The following MGAM2 variants were observed in gnomAD, a reference collection of about 807,000 sequenced individuals.
The protein encoded by MGAM2 is probable maltase-glucoamylase 2.
Under a neutral mutation model 96.1 loss-of-function variants are expected in MGAM2, and 98 were observed. The ratio of observed to expected loss-of-function variants is 1.02; its 90% confidence interval spans 0.87 to 1.21. The LOEUF (loss-of-function observed/expected upper bound fraction) is 1.21. MGAM2 is among the 50% of genes most tolerant of loss of function. The probability of loss-of-function intolerance (pLI) is 0.00; values close to 1 mark genes in which losing one functional copy is unlikely to be tolerated. For synonymous variants in MGAM2, 749 were observed against 414.8 expected (o/e 1.81, Z -9.79); for missense variants, 2,055 against 1,182.4 (o/e 1.74, Z -10.82).
intron 26 of MGAM2, among the ~76,000 whole-genome samples, chr7:142,169,390 C>G (rs1796125764): frequency 6.6e-6 from 1 of 151,976 alleles, no homozygotes; most frequent in Non-Finnish European, 1.5e-5. Flanking sequence ...CCACTGCACT[C>G]CGAGCTGGCG....
intron 36 of MGAM2, among the ~76,000 whole-genome samples, chr7:142,188,975 C>T (rs1037331018): frequency 4.6e-5 from 7 of 152,114 alleles, no homozygotes; most frequent in African/African-American, 1.4e-4. Flanking sequence ...CAAGCAAATG[C>T]TGTCAAATCA....
At position 142,159,227 on chromosome 7, in the gene MGAM2, G is replaced by A. The variant is rs1331814522; in HGVS notation, c.2164-60G>A. The A allele has an allele frequency of 1.3e-5, 9 of 695,850 alleles. No homozygotes were observed. In the Middle Eastern group the frequency reaches 7.2e-4, roughly 56 times the overall value. The allele number at this position is 695,850 out of a possible 1,614,324, so 43.1% of individuals were successfully genotyped here. ...TAGGCACATGTAATGATGCCTGGAGGTGTTTTGTAAACTGTAGAGAGGGGT... is the reference window on the plus strand; with the variant it reads ...TAGGCACATGTAATGATGCCTGGAGATGTTTTGTAAACTGTAGAGAGGGGT... On this transcript the variant is annotated intron_variant, in intron 19 of 47. Coordinates refer to ENST00000477922, the MANE Select transcript of MGAM2 (RefSeq NM_001293626.2).
chr7:142,151,851 G>A (rs1437690722), intron 15 of MGAM2, among the ~76,000 whole-genome samples: 1 of 152,214 alleles, frequency 6.6e-6, no homozygotes, highest in Admixed American at 6.5e-5. Context: ...GGAGATAAGT[G>A]GAACTTGGTC....
At chr7:142,163,547 TG>T (rs1313737108) in intron 23 of MGAM2, among the ~76,000 whole-genome samples, 6 of 152,370 alleles carry the variant, frequency 3.9e-5, no homozygotes, top group African/African-American at 1.4e-4. Flanking sequence ...CCCAAAGTGC[TG>T]GGGTTACAGG....
chr7:142,202,573 G>A (rs1193910299), intron 45 of MGAM2, among the ~76,000 whole-genome samples: 1 of 152,082 alleles, frequency 6.6e-6, no homozygotes, highest in Non-Finnish European at 1.5e-5. Context: ...GCATTATTTG[G>A]TTTTCTTTTT....
intron 6 of MGAM2, among the ~76,000 whole-genome samples, chr7:142,132,683 T>C (rs1351914144): frequency 7.9e-6 from 1 of 126,794 alleles, no homozygotes; most frequent in Non-Finnish European, 1.5e-5. Flanking sequence ...TTAATTATAA[T>C]ATAATTAATA....
At chr7:142,161,674 G>C (rs1045396730) in intron 22 of MGAM2, among the ~76,000 whole-genome samples, 4 of 152,182 alleles carry the variant, frequency 2.6e-5, no homozygotes, top group Admixed American at 2.0e-4. Flanking sequence ...TGTAGGCCTT[G>C]AGGAACTCAT....
At chr7:142,123,231 G>C (rs568503966) in intron 3 of MGAM2, among the ~76,000 whole-genome samples, 45 of 150,840 alleles carry the variant, frequency 3.0e-4, no homozygotes, top group African/African-American at 8.3e-4. Flanking sequence ...TTCATCTAGA[G>C]ATTTTTTTTT....
chr7:142,220,488 A>G lies in MGAM2; in HGVS notation c.5977A>G (p.Thr1993Ala), dbSNP rs961370002. 5.7e-6 allele frequency: 4 copies of G among 702,426 alleles called. No individual in the cohort carries two copies. In the African/African-American group the frequency reaches 7.0e-5, roughly 12 times the overall value. The allele number at this position is 702,426 out of a possible 1,614,324, so 43.5% of individuals were successfully genotyped here. The change falls in exon 48 of 48, where the codon ACT becomes GCT. Residue 1993 changes from threonine (T) to alanine (A), a missense_variant. Thr to Ala is a moderately conservative substitution (Grantham distance 58, BLOSUM62 0). Transcript: ENST00000477922. ...TGCAACAAGTACTATTAGTGTTACA[A>G]CTAGTACTACTGTTCCTGATACAAC... is the stretch of plus-strand genomic sequence containing the variant. ...PFATSTISVT[T>A]STTVPDTTAP...
intron 30 of MGAM2, among the ~76,000 whole-genome samples, 176 bp from the exon 31 acceptor site, chr7:142,173,053 G>A (rs1366398861): frequency 7.9e-5 from 12 of 152,194 alleles, no homozygotes; most frequent in East Asian, 3.9e-4. Context: ...CTTCAATTAC[G>A]TTTCTATCAT....
chr7:142,194,437 G>A (rs1449519435), intron 37 of MGAM2, among the ~76,000 whole-genome samples: 1 of 151,860 alleles, frequency 6.6e-6, no homozygotes, highest in Admixed American at 6.6e-5. Flanking sequence ...TCAGTTCTTT[G>A]CATCAGTCAC....
chr7:142,135,666 G>C (rs1216305680), intron 7 of MGAM2, among the ~76,000 whole-genome samples: 1 of 150,656 alleles, frequency 6.6e-6, no homozygotes, highest in Non-Finnish European at 1.5e-5. Flanking sequence ...CAGGGAACTT[G>C]TAAAACGTTC....
intron 27 of MGAM2, 46 bp from the exon 28 acceptor site, chr7:142,171,226 C>T: frequency 1.4e-6 from 1 of 701,418 alleles, no homozygotes; most frequent in South Asian, 1.5e-5. Context: ...CCAAGTAGCT[C>T]TGGCCAGTGG....
chr7:142,171,366 A>G lies in MGAM2; in HGVS notation c.3277A>G (p.Thr1093Ala), dbSNP rs1208737148. The G allele has an allele frequency of 2.8e-6, 2 of 703,118 alleles. No homozygotes were observed. The highest frequency in any genetic ancestry group is 3.5e-5 in the African/African-American group (2 of 57,178). The allele number at this position is 703,118 out of a possible 1,614,324, so 43.6% of individuals were successfully genotyped here. The change falls in exon 28 of 48, where the codon ACT (threonine) becomes GCT (alanine). Residue 1093 changes from threonine to alanine, a missense_variant. By Grantham distance (58) the Thr-to-Ala change is moderately conservative. Coordinates refer to ENST00000477922, the MANE Select transcript of MGAM2 (RefSeq NM_001293626.2). ...PSQYIYGFGE[T>A]EHTTFRRNMN... is the part of the protein sequence containing the mutation. ...CCAGTACATCTATGGCTTTGGGGAA[A>G]CTGAGCACACGACTTTCAGAAGAAA...
intron 40 of MGAM2, 48 bp from the exon 41 acceptor site, chr7:142,197,352 A>G: frequency 1.4e-6 from 1 of 693,056 alleles, no homozygotes; most frequent in Non-Finnish European, 2.6e-6. Context: ...TGCCACTGGG[A>G]TGGAATGAAG....
intron 32 of MGAM2, among the ~76,000 whole-genome samples, chr7:142,182,058 G>A (rs999076807): frequency 1.3e-5 from 2 of 152,116 alleles, no homozygotes; most frequent in Non-Finnish European, 2.9e-5. Context: ...GTCTGGCAGA[G>A]GGAGGCATGC....
In MGAM2 at chr7:142,136,615, A is replaced by G. The variant is rs1462896081; in HGVS notation, c.822A>G (p.Val274=). Residue 274 remains valine, a synonymous_variant, in exon 8 of 48, where the codon GTA becomes GTG. Transcript: ENST00000477922. The part of the protein sequence containing the change: ...LEDARGSSFG[V]FLMNSNAMEV... ...ATGCCAGGGGCTCCTCTTTTGGAGT[A>G]TTTCTGATGAACAGTAATGCCATGG... 1 of 702,376 alleles carries G rather than the reference A, an allele frequency of 1.4e-6. No homozygotes were observed. The highest frequency in any genetic ancestry group is 2.3e-4 in the Middle Eastern group (1 of 4,362). 43.5% of individuals were successfully genotyped at this position (702,376 alleles called of 1,614,324 possible). A position where few individuals can be genotyped will look rare whatever the true frequency, so the allele number is the denominator to read the frequency against.
In MGAM2 at chr7:142,199,860, CTTTT is replaced by C. The variant is rs370452030; in HGVS notation, c.5049-9_5049-6del. ...ACCTACAATCTAGAGAAAAATAACT[CTTTT>C]TTTTTTTTTTGGTAGTCGACAAAAT... On this transcript the variant is annotated splice_polypyrimidine_tract_variant and intron_variant, in intron 44 of 47. Coordinates refer to ENST00000477922, the MANE Select transcript of MGAM2 (RefSeq NM_001293626.2). 4.4e-5 allele frequency: 26 copies of C among 589,338 alleles called. No homozygotes were observed. The highest frequency in any genetic ancestry group is 1.8e-4 in the South Asian group (9 of 50,556). 36.5% of individuals were successfully genotyped at this position (589,338 alleles called of 1,614,324 possible). A position where few individuals can be genotyped will look rare whatever the true frequency, so the allele number is the denominator to read the frequency against.
chr7:142,177,822 G>T (rs1184234503), intron 32 of MGAM2, among the ~76,000 whole-genome samples: 4 of 152,152 alleles, frequency 2.6e-5, no homozygotes. Context: ...ATAGTGCTGT[G>T]ATAGACATAG....
Sources: gnomAD v4.1 joint callset for allele counts (sites outside exome capture counted in the v4.1 genomes callset) on GRCh38, gnomAD v4.1.1 for gene constraint, MANE v1.5 for transcripts, NCBI Gene and HGNC (gene_info 2026-07-23, HGNC 2026-07-21) for gene names.